C11orf98: variants seen among roughly 807,000 people sequenced by gnomAD.
The protein encoded by C11orf98 is 28S rRNA/ribosome and sororin micro-cofactor.
A neutral mutation model predicts 10.9 loss-of-function variants in C11orf98; 7 were observed. The observed-to-expected ratio is 0.64, with a 90% CI of 0.37 to 1.21. The LOEUF (loss-of-function observed/expected upper bound fraction) is 1.21. C11orf98 is among the 50% of genes most tolerant of loss of function. The pLI is 0.02. For missense variants in C11orf98, 181 were observed against 153.7 expected (o/e 1.18, Z -0.94); for synonymous variants, 70 against 57.2 (o/e 1.22, Z -1.01).
intron 2 of C11orf98, 23 bp from the exon 3 acceptor site, chr11:62,663,356 G>A: frequency 6.2e-7 from 1 of 1,610,778 alleles, no homozygotes; most frequent in Non-Finnish European, 8.5e-7. Flanking sequence ...TGGAAATAAA[G>A]AGAGCTAGGT....
rs763951172 is a variant in C11orf98 at position 62,663,103 on chromosome 11, T to C, written c.319A>G (p.Lys107Glu). Residue 107 changes from lysine (K) to glutamate (E), a missense_variant, in exon 4 of 4, where the codon AAG becomes GAG. By Grantham distance (56) the Lys-to-Glu change is moderately conservative. Coordinates refer to ENST00000524958, the MANE Select transcript of C11orf98 (RefSeq NM_001286086.2). The stretch of plus-strand genomic sequence containing the variant: ...TCTACATCCTGGGGGGCTTTTGTCT[T>C]CTTTTGCCTTTTGAGCTGTGGTTCA... ...TSEPQLKRQKKTKAPQDVEMK... is the reference protein window; with the variant it reads ...TSEPQLKRQKETKAPQDVEMK... The C allele has an allele frequency of 6.2e-7, 1 of 1,613,848 alleles. No individual in the cohort carries two copies. The highest frequency in any genetic ancestry group is 1.1e-5 in the South Asian group (1 of 91,066).
In C11orf98 at chr11:62,665,111, C is replaced by T. The variant is rs1010873018; in HGVS notation, c.39+20G>A. 1.5e-6 allele frequency: 2 copies of T among 1,309,228 alleles called. No homozygotes were observed. The highest frequency in any genetic ancestry group is 3.9e-5 in the Admixed American group (2 of 50,810). The allele number at this position is 1,309,228 out of a possible 1,614,324, so 81.1% of individuals were successfully genotyped here. On this transcript the variant is annotated intron_variant, in intron 1 of 3. Transcript: ENST00000524958. ...TCAGGAACGCTTGAGGAAACAAAGT[C>T]GCGGCCCCCACACAGTCACCGTTCG...
chr11:62,664,873 G>C lies in C11orf98; in HGVS notation c.140C>G (p.Thr47Arg), dbSNP rs1944751502. The C allele has an allele frequency of 6.3e-7, 1 of 1,579,164 alleles. No homozygotes were observed. ...VGAVIDQGLI[T>R]RHHLKKRASS... ...CGCCCGCTTCTTGAGGTGGTGCCGC[G>C]TGATCAGCCCTTGGTCTATCACAGC... Residue 47 changes from threonine to arginine, a missense_variant, in exon 2 of 4, where the codon ACG becomes AGG. By Grantham distance (71) the Thr-to-Arg change is moderately conservative. Transcript: ENST00000524958.
chr11:62,662,930 G>C lies in C11orf98; in HGVS notation c.*120C>G. The C allele has an allele frequency of 2.7e-6, 2 of 749,062 alleles. No homozygotes were observed. The highest frequency in any genetic ancestry group is 4.3e-6 in the Non-Finnish European group (2 of 465,926). 46.4% of individuals were successfully genotyped at this position (749,062 alleles called of 1,614,324 possible). On this transcript the variant is annotated 3_prime_UTR_variant, in exon 4 of 4. Coordinates refer to ENST00000524958, the MANE Select transcript of C11orf98 (RefSeq NM_001286086.2). ...GACATCCCTCTAGGGGAGGTCAGTA[G>C]GCCATTAGGTAGGAGGAAATCTGGA...
Position 62,664,923 on chromosome 11 carries a change from C to T in C11orf98, c.90G>A (p.Arg30=), listed in dbSNP as rs762031860. 3 of 1,604,676 alleles carry T rather than the reference C, an allele frequency of 1.9e-6. No individual in the cohort carries two copies. The highest frequency in any genetic ancestry group is 1.1e-5 in the South Asian group (1 of 89,708). The change falls in exon 2 of 4, where the codon CGG becomes CGA. Residue 30 remains arginine, a synonymous_variant. Transcript: ENST00000524958. ...CCCCGACCACCCGGTGCCTCAGACG[C>T]CGCTCCCGATTCAACACCCGCCGGC... ...FKRRRVLNRE[R]RLRHRVVGAV... is the part of the protein sequence containing the mutation.
At chr11:62,664,326 C>CTTTTTT (rs35917869) in intron 2 of C11orf98, among the ~76,000 whole-genome samples, 3 of 77,434 alleles carry the variant, frequency 3.9e-5, no homozygotes, top group Admixed American at 1.8e-4. Context: ...TCCTGATATT[C>CTTTTTT]TTTTTTTTTT....
chr11:62,663,942 G>C (rs1177167883), intron 2 of C11orf98, among the ~76,000 whole-genome samples: 77 of 150,686 alleles, frequency 5.1e-4, no homozygotes, highest in African/African-American at 1.8e-3. Context: ...GTGCAGTGGG[G>C]AGCACCTGTA....
At position 62,665,159 on chromosome 11, in the gene C11orf98, G is replaced by C; in HGVS notation, c.11C>G (p.Pro4Arg). The change falls in exon 1 of 4, where the codon CCG becomes CGG. Residue 4 changes from proline (P) to arginine (R), a missense_variant. Pro to Arg is a moderately radical substitution (Grantham distance 103). Transcript: ENST00000524958. MGA[P>R]GGKINRPRTE... is the part of the protein sequence containing the mutation. ...TCGGGGCCGGTTGATCTTTCCCCCC[G>C]GAGCTCCCATAGTCGCGATTCCACT... 1 of 917,220 alleles carries C rather than the reference G, an allele frequency of 1.1e-6. No individual in the cohort carries two copies. Among genetic ancestry groups the C allele is most frequent in the East Asian group, 2.6e-5 (1 of 38,148 alleles). 56.8% of individuals were successfully genotyped at this position (917,220 alleles called of 1,614,324 possible).
chr11:62,664,844 C>T lies in C11orf98; in HGVS notation c.164+5G>A. Reference sequence around the variant, plus strand: ...CGACCAACAGGAAGAGGGTCTAGTACTTACGCCCGCTTCTTGAGGTGGTGC... The same window carrying T: ...CGACCAACAGGAAGAGGGTCTAGTATTTACGCCCGCTTCTTGAGGTGGTGC... On this transcript the variant is annotated splice_donor_5th_base_variant and intron_variant, in intron 2 of 3. Transcript: ENST00000524958. The T allele has an allele frequency of 4.5e-6, 7 of 1,562,326 alleles. No individual in the cohort carries two copies. The highest frequency in any genetic ancestry group is 6.1e-6 in the Non-Finnish European group (7 of 1,153,074).
At position 62,662,979 on chromosome 11, in the gene C11orf98, G is replaced by A. The variant is rs549305475; in HGVS notation, c.*71C>T. On this transcript the variant is annotated 3_prime_UTR_variant, in exon 4 of 4. Coordinates refer to ENST00000524958, the MANE Select transcript of C11orf98 (RefSeq NM_001286086.2). ...GAGAGTGAAAAGGGGCCTTGCTTTTGTCAAAGTCCTCTGAAACAACCACTG... is the reference window on the plus strand; with the variant it reads ...GAGAGTGAAAAGGGGCCTTGCTTTTATCAAAGTCCTCTGAAACAACCACTG... The A allele has an allele frequency of 1.6e-6, 2 of 1,243,680 alleles. No homozygotes were observed. The highest frequency in any genetic ancestry group is 2.2e-5 in the Admixed American group (1 of 45,086). 77.0% of individuals were successfully genotyped at this position (1,243,680 alleles called of 1,614,324 possible).
At chr11:62,664,802 G>A in intron 2 of C11orf98, 47 bp downstream of exon 2, 1 of 1,549,232 alleles carries the variant, frequency 6.5e-7, no homozygotes, top group Non-Finnish European at 8.7e-7. Context: ...CAGGGAGGAA[G>A]GAAGACTCGG....
chr11:62,664,763 C>T lies in C11orf98; in HGVS notation c.164+86G>A, dbSNP rs1011872844. ...CATAAGCGTCAGTGCACAAGGTGAGCTGAGAGGTGAAGCTGCTCCGGAGCT... is the reference window on the plus strand; with the variant it reads ...CATAAGCGTCAGTGCACAAGGTGAGTTGAGAGGTGAAGCTGCTCCGGAGCT... On this transcript the variant is annotated intron_variant, in intron 2 of 3. Coordinates refer to ENST00000524958, the MANE Select transcript of C11orf98 (RefSeq NM_001286086.2). 6.7e-6 allele frequency: 10 copies of T among 1,499,470 alleles called. No individual in the cohort carries two copies. The East Asian group carries it at 7.4e-5, about 11-fold the overall frequency. 92.9% of individuals were successfully genotyped at this position (1,499,470 alleles called of 1,614,324 possible).
In C11orf98 at chr11:62,664,955, A is replaced by T; in HGVS notation, c.58T>A (p.Phe20Ile). 2 of 1,612,146 alleles carry T rather than the reference A, an allele frequency of 1.2e-6. No individual in the cohort carries two copies. Among genetic ancestry groups the T allele is most frequent in the Non-Finnish European group, 1.7e-6 (2 of 1,179,586 alleles). The stretch of plus-strand genomic sequence containing the variant: ...CGATTCAACACCCGCCGGCGTTTGA[A>T]CAGCTTCTTCTTCAGCTCCTGCCGG... Reference protein sequence around the residue: ...RPRTELKKKLFKRRRVLNRER... With the variant: ...RPRTELKKKLIKRRRVLNRER... The change falls in exon 2 of 4, where the codon TTC becomes ATC. Residue 20 changes from phenylalanine (F) to isoleucine (I), a missense_variant. Phe to Ile is a conservative substitution (Grantham distance 21). Coordinates refer to ENST00000524958, the MANE Select transcript of C11orf98 (RefSeq NM_001286086.2).
chr11:62,663,259 T>G lies in C11orf98; in HGVS notation c.239A>C (p.Gln80Pro), dbSNP rs1461146130. The G allele has an allele frequency of 6.2e-7, 1 of 1,614,210 alleles. No individual in the cohort carries two copies. The highest frequency in any genetic ancestry group is 1.1e-5 in the South Asian group (1 of 91,092). Residue 80 changes from glutamine (Q) to proline (P), a missense_variant, in exon 3 of 4, where the codon CAG (glutamine) becomes CCG (proline). Transcript: ENST00000524958. ...ACCTTCCATGGCTGTCTTCTCTTTCTGGGCAAGCCGGATCTGCTGGAGGAG... is the reference window on the plus strand; with the variant it reads ...ACCTTCCATGGCTGTCTTCTCTTTCGGGGCAAGCCGGATCTGCTGGAGGAG... Reference protein sequence around the residue: ...RKLLQQIRLAQKEKTAMEVEA... With the variant: ...RKLLQQIRLAPKEKTAMEVEA...
At chr11:62,664,144 C>G (rs1295487719) in intron 2 of C11orf98, among the ~76,000 whole-genome samples, 1 of 148,530 alleles carries the variant, frequency 6.7e-6, no homozygotes, top group Non-Finnish European at 1.5e-5. Flanking sequence ...AACTCTTCCT[C>G]AAGACACAGG....
At chr11:62,663,675 C>A (rs995099659) in intron 2 of C11orf98, among the ~76,000 whole-genome samples, 18 of 106,438 alleles carry the variant, frequency 1.7e-4, no homozygotes, top group Admixed American at 4.6e-4. Context: ...GCCTGGGCGA[C>A]AAAGCGAGAC....
rs747361034 is a variant in C11orf98 at position 62,665,131 on chromosome 11, C to T, written c.39G>A (p.Thr13=). The T allele has an allele frequency of 1.8e-6, 2 of 1,086,530 alleles. No homozygotes were observed. Among genetic ancestry groups the T allele is most frequent in the Non-Finnish European group, 2.7e-6 (2 of 736,238 alleles). 67.3% of individuals were successfully genotyped at this position (1,086,530 alleles called of 1,614,324 possible). A position where few individuals can be genotyped will look rare whatever the true frequency, so the allele number is the denominator to read the frequency against. The change falls in exon 1 of 4, where the codon ACG becomes ACA. Residue 13 remains threonine, a splice_region_variant and synonymous_variant. Transcript: ENST00000524958. The part of the protein sequence containing the change: ...APGGKINRPR[T]ELKKKLFKRR... The stretch of plus-strand genomic sequence containing the variant: ...AAAGTCGCGGCCCCCACACAGTCAC[C>T]GTTCGGGGCCGGTTGATCTTTCCCC...
rs532701253 is a variant in C11orf98, at chr11:62,664,891, A to G, written c.122T>C (p.Ile41Thr). The change falls in exon 2 of 4, where the codon ATA (isoleucine) becomes ACA (threonine). Residue 41 changes from isoleucine (I) to threonine (T), a missense_variant. Coordinates refer to ENST00000524958, the MANE Select transcript of C11orf98 (RefSeq NM_001286086.2). The stretch of plus-strand genomic sequence containing the variant: ...GTGCCGCGTGATCAGCCCTTGGTCT[A>G]TCACAGCCCCGACCACCCGGTGCCT... ...RLRHRVVGAV[I>T]DQGLITRHHL... 5.7e-6 allele frequency: 9 copies of G among 1,590,076 alleles called. No individual in the cohort carries two copies. The highest frequency in any genetic ancestry group is 2.3e-5 in the South Asian group (2 of 87,936).
chr11:62,663,585 T>A (rs1477563146), intron 2 of C11orf98, among the ~76,000 whole-genome samples: 3 of 150,874 alleles, frequency 2.0e-5, no homozygotes, highest in Non-Finnish European at 4.4e-5. Flanking sequence ...TCCCAGCTAC[T>A]CGGGAGGCTG....
Sources: allele counts gnomAD v4.1 joint callset (sites outside exome capture counted in the v4.1 genomes callset), GRCh38; gene constraint gnomAD v4.1.1; transcripts MANE v1.5; gene names NCBI Gene and HGNC (gene_info 2026-07-23, HGNC 2026-07-21).